Variants in OAS3 observed in about 807,000 individuals in gnomAD.
OAS3 encodes the protein 2'-5'-oligoadenylate synthase 3.
In OAS3, 107 loss-of-function variants were observed where a neutral mutation model predicts 113.0. That is an observed-to-expected ratio of 0.95 (90% confidence interval 0.81 to 1.11). The LOEUF is 1.11. Ranked by LOEUF, OAS3 falls within the 50% of genes most tolerant of loss-of-function variation. The pLI, the probability that OAS3 is intolerant of heterozygous loss-of-function variation, is 0.00. For missense variants in OAS3, 1,258 were observed against 1,389.1 expected, an observed-to-expected ratio of 0.91 and a Z score of 1.50; for synonymous variants, 552 against 573.6, an observed-to-expected ratio of 0.96 and a Z score of 0.54.
chr12:112,952,555 T>C (rs1050265188), intron 7 of OAS3, among the ~76,000 whole-genome samples: 4 of 152,208 alleles, frequency 2.6e-5, no homozygotes, highest in Non-Finnish European at 5.9e-5. Context: ...TTTTACAATC[T>C]ATGCAAATTA....
chr12:112,963,016 C>G lies in OAS3; in HGVS notation c.2084+114C>G, dbSNP rs1192648793. On this transcript the variant is annotated intron_variant, in intron 9 of 15. Transcript: ENST00000228928. The surrounding 1 kb of genome is among the most constrained non-coding windows in gnomAD (Gnocchi z 4.6). ...TAGGGTTTGGGGTGGCAATCCCACT[C>G]CTCACTCTGCTTCCCTCTGGACTCT... 3 of 1,404,870 alleles carry G rather than the reference C, an allele frequency of 2.1e-6. No homozygotes were observed. The African/African-American group carries it at 4.3e-5, about 20-fold the overall frequency. 87.0% of individuals were successfully genotyped at this position (1,404,870 alleles called of 1,614,324 possible). A position where few individuals can be genotyped will look rare whatever the true frequency, so the allele number is the denominator to read the frequency against.
chr12:112,967,530 C>T lies in OAS3; in HGVS notation c.2802C>T (p.Phe934=), dbSNP rs2043946154. The change falls in exon 13 of 16, where the codon TTC becomes TTT. Residue 934 remains phenylalanine, a synonymous_variant. Coordinates refer to ENST00000228928, the MANE Select transcript of OAS3 (RefSeq NM_006187.4). ...STCFTELQRD[F]IISRPTKLKS... ...GCTTCACAGAGCTACAACGGGACTT[C>T]ATCATCTCTCGCCCTACCAAGCTGA... The T allele has an allele frequency of 1.9e-6, 3 of 1,613,916 alleles. No homozygotes were observed. Among genetic ancestry groups the T allele is most frequent in the Non-Finnish European group, 2.5e-6 (3 of 1,179,876 alleles).
intron 13 of OAS3, 98 bp downstream of exon 13, chr12:112,967,691 C>A: frequency 1.4e-6 from 2 of 1,390,904 alleles, no homozygotes; most frequent in Non-Finnish European, 2.0e-6. Context: ...GGCCAAGATC[C>A]TGGGTTGGTG....
intron 12 of OAS3, among the ~76,000 whole-genome samples, 166 bp from the exon 13 acceptor site, chr12:112,967,252 G>T (rs1291129848): frequency 1.3e-5 from 2 of 152,314 alleles, no homozygotes; most frequent in East Asian, 3.9e-4. Flanking sequence ...TGTGGATCAG[G>T]CCACATCTGT....
rs1377371634 is a variant in OAS3 at position 112,954,422 on chromosome 12, C to T, written c.1657+3447C>T. Among the ~76,000 whole-genome samples the T allele has an allele frequency of 2.0e-5, 3 of 152,138 alleles. No individual in the cohort carries two copies. Among genetic ancestry groups the T allele is most frequent in the Non-Finnish European group, 4.4e-5 (3 of 68,018 alleles). On this transcript the variant is annotated intron_variant, in intron 7 of 15. Coordinates refer to ENST00000228928, the MANE Select transcript of OAS3 (RefSeq NM_006187.4). The surrounding 1 kb of genome is among the most constrained non-coding windows in gnomAD (Gnocchi z 4.0). ...TCTCCTGCCTCAGCTTCCCTAGTAG[C>T]TGGGACTACAGGTGCCCGCCACCAC...
At chr12:112,958,738 G>C (rs1245304726) in intron 7 of OAS3, among the ~76,000 whole-genome samples, 2 of 152,248 alleles carry the variant, frequency 1.3e-5, no homozygotes, top group East Asian at 3.8e-4. Flanking sequence ...AGCCATATGA[G>C]GTGTCAGTCG....
rs774963434 is a variant in OAS3, at chr12:112,968,207, A to C, written c.3104+33A>C. ...TCTACCCCCAATGTTCCAGAATTTC[A>C]AACCTGGGATCACTCACTCTCCCCA... is the stretch of plus-strand genomic sequence containing the variant. On this transcript the variant is annotated intron_variant, in intron 14 of 15. Transcript: ENST00000228928. 14 of 1,588,406 alleles carry C rather than the reference A, an allele frequency of 8.8e-6. 1 individual carries two copies. The South Asian group carries it at 1.6e-4, about 18-fold the overall frequency.
In OAS3 at chr12:112,963,052, A is replaced by G; in HGVS notation, c.2084+150A>G. 1 of 1,255,010 alleles carries G rather than the reference A, an allele frequency of 8.0e-7. No homozygotes were observed. Among genetic ancestry groups the G allele is most frequent in the Non-Finnish European group, 1.1e-6 (1 of 896,060 alleles). 77.7% of individuals were successfully genotyped at this position (1,255,010 alleles called of 1,614,324 possible). ...TTCCCTCTGGACTCTTTGCTGAGGA[A>G]GTGTGGACATAAGGAGTCCCAAAAG... On this transcript the variant is annotated intron_variant, in intron 9 of 15. Transcript: ENST00000228928. This position sits in a 1 kb window ranked among gnomAD's most constrained non-coding sequence, Gnocchi z 4.6.
rs201242016 is a variant in OAS3, at chr12:112,969,660, C to T, written c.3157C>T (p.Arg1053Cys). 112 of 1,609,082 alleles carry T rather than the reference C, an allele frequency of 7.0e-5. No homozygotes were observed. The highest frequency in any genetic ancestry group is 8.8e-5 in the Non-Finnish European group (104 of 1,177,862). ...DPTGNLGHNARWDLLAKEAAA... is the reference protein window; with the variant it reads ...DPTGNLGHNACWDLLAKEAAA... Reference sequence around the variant, plus strand: ...GACAGGCAACCTGGGCCACAATGCCCGCTGGGACCTGCTGGCCAAGGAAGC... The same window carrying T: ...GACAGGCAACCTGGGCCACAATGCCTGCTGGGACCTGCTGGCCAAGGAAGC... Residue 1053 changes from arginine to cysteine, a missense_variant, in exon 15 of 16, where the codon CGC (arginine) becomes TGC (cysteine). Physicochemically the swap from Arg to Cys is radical, Grantham distance 180. Transcript: ENST00000228928.
At chr12:112,944,764 T>C in intron 3 of OAS3, 113 bp downstream of exon 3, 3 of 1,165,092 alleles carry the variant, frequency 2.6e-6, no homozygotes, top group Non-Finnish European at 3.8e-6. Context: ...TCTCTGGGAA[T>C]TGTCTGTTTA....
In OAS3 at chr12:112,963,545, C is replaced by T. The variant is rs2043908316; in HGVS notation, c.2229+88C>T. 9.2e-6 allele frequency: 12 copies of T among 1,305,728 alleles called. No homozygotes were observed. In the South Asian group the frequency reaches 1.9e-4, roughly 20 times the overall value. The allele number at this position is 1,305,728 out of a possible 1,614,324, so 80.9% of individuals were successfully genotyped here. The stretch of plus-strand genomic sequence containing the variant: ...AACCTGCCGGTGCACCCATCCCCAG[C>T]TGCTAGGAGTGTTGGTGGCTGACAA... On this transcript the variant is annotated intron_variant, in intron 10 of 15. Coordinates refer to ENST00000228928, the MANE Select transcript of OAS3 (RefSeq NM_006187.4). The surrounding 1 kb of genome is among the most constrained non-coding windows in gnomAD (Gnocchi z 4.6).
At chr12:112,955,781 C>T (rs543997972) in intron 7 of OAS3, among the ~76,000 whole-genome samples, 1 of 152,256 alleles carries the variant, frequency 6.6e-6, no homozygotes, top group East Asian at 1.9e-4. Context: ...CATAGATGTT[C>T]ATCAGGGATA....
At chr12:112,955,406 C>T (rs1018199447) in intron 7 of OAS3, among the ~76,000 whole-genome samples, 1 of 152,176 alleles carries the variant, frequency 6.6e-6, no homozygotes, top group African/African-American at 2.4e-5. Flanking sequence ...TGCCAGTTTC[C>T]AAAGGGAATG....
At chr12:112,947,367 T>C (rs1326754358) in intron 4 of OAS3, among the ~76,000 whole-genome samples, 1 of 152,246 alleles carries the variant, frequency 6.6e-6, no homozygotes, top group Non-Finnish European at 1.5e-5. Flanking sequence ...TACACTTTTA[T>C]AATTACAGTT....
rs1375417129 is a variant in OAS3 at position 112,968,118 on chromosome 12, C to G, written c.3048C>G (p.Tyr1016Ter). The change falls in exon 14 of 16, where the codon TAC (tyrosine) becomes TAG (stop). Residue 1016 changes from tyrosine (Y) to a stop codon, truncating the protein, a stop_gained. Coordinates refer to ENST00000228928, the MANE Select transcript of OAS3 (RefSeq NM_006187.4). LOFTEE classifies it high-confidence loss of function. ...TCTGTATCTACTGGACCATCAACTA[C>G]AACGCCAAGGACAAGACTGTTGGAG... is the stretch of plus-strand genomic sequence containing the variant. ...RQLCIYWTINYNAKDKTVGDF... is the reference protein window; with the variant it reads ...RQLCIYWTIN The G allele has an allele frequency of 6.2e-7, 1 of 1,613,974 alleles. No individual in the cohort carries two copies. The highest frequency in any genetic ancestry group is 8.5e-7 in the Non-Finnish European group (1 of 1,179,886).
chr12:112,955,946 G>T (rs569822320), intron 7 of OAS3, among the ~76,000 whole-genome samples: 9 of 152,280 alleles, frequency 5.9e-5, no homozygotes, highest in East Asian at 5.8e-4. Context: ...GTAGAATTCG[G>T]CTGTGAATCC....
At position 112,938,671 on chromosome 12, in the gene OAS3, C is replaced by G; in HGVS notation, c.141C>G (p.Leu47=). 1 of 1,585,998 alleles carries G rather than the reference C, an allele frequency of 6.3e-7. No individual in the cohort carries two copies. The highest frequency in any genetic ancestry group is 8.6e-7 in the Non-Finnish European group (1 of 1,167,798). The change falls in exon 1 of 16, where the codon CTC becomes CTG. Residue 47 remains leucine (L), a synonymous_variant. Transcript: ENST00000228928. ...CCCTGAGGGAGCGCGGGGGCCGCCT[C>G]GGTGCTGCTGCCCCGCGGGTGCTGA... The part of the protein sequence containing the change: ...AAALRERGGR[L]GAAAPRVLKT...
rs371352750 is a variant in OAS3 at position 112,944,453 on chromosome 12, C to T, written c.461-23C>T. On this transcript the variant is annotated intron_variant, in intron 2 of 15. Coordinates refer to ENST00000228928, the MANE Select transcript of OAS3 (RefSeq NM_006187.4). ...CCTGTGTCCTCAGTGCCCTCCCTAA[C>T]TCACAGCGCTTCACACCAACAGGTC... 1.8e-5 allele frequency: 29 copies of T among 1,613,768 alleles called. 1 individual carries two copies. Among genetic ancestry groups the T allele is most frequent in the East Asian group, 8.9e-5 (4 of 44,892 alleles).
chr12:112,968,513 G>T (rs1459791637), intron 14 of OAS3, among the ~76,000 whole-genome samples: 1 of 152,050 alleles, frequency 6.6e-6, no homozygotes, highest in Non-Finnish European at 1.5e-5. Context: ...GGGCATCCTG[G>T]TTTTTTGTTG....
Sources: gnomAD v4.1 joint callset for allele counts (sites outside exome capture counted in the v4.1 genomes callset) on GRCh38, gnomAD v4.1.1 for gene constraint, Gnocchi (gnomAD v3.1) non-coding constraint, MANE v1.5 for transcripts, NCBI Gene and HGNC (gene_info 2026-07-23, HGNC 2026-07-21) for gene names.